NLGN4X: variants seen among roughly 807,000 people sequenced by gnomAD.
NLGN4X encodes neuroligin 4 X-linked.
NLGN4X carries 3 observed loss-of-function variants against 40.3 expected under a neutral mutation model. The ratio of observed to expected loss-of-function variants is 0.07; its 90% CI spans 0.03 to 0.19. NLGN4X has a LOEUF of 0.19. NLGN4X is among the 10% of genes least tolerant of loss of function. NLGN4X has a pLI of 1.00. For missense variants in NLGN4X, 382 were observed against 708.3 expected, an observed-to-expected ratio of 0.54 and a Z score of 5.23; for synonymous variants, 270 against 306.8, an observed-to-expected ratio of 0.88 and a Z score of 1.25.
chrX:5,990,821 T>C (rs1322834584), intron 3 of NLGN4X, among the ~76,000 whole-genome samples: 1 of 111,124 alleles, frequency 9.0e-6, no homozygotes, highest in East Asian at 2.8e-4. Context: ...AAGTACCTGA[T>C]ACTGGATGCA....
chrX:5,891,718 TGCA>T lies in NLGN4X; in HGVS notation c.*1096_*1098del. ...TTTCTCCCTACTGATTCTTTGTGTG[TGCA>T]TGTCTCTAATTTAACAAGCTGTAAA... On this transcript the variant is annotated 3_prime_UTR_variant, in exon 6 of 6. Transcript: ENST00000381095. The T allele has an allele frequency of 5.6e-6, 1 of 179,873 alleles. No individual in the cohort carries two copies. Among genetic ancestry groups the T allele is most frequent in the South Asian group, 9.5e-5 (1 of 10,580 alleles). The allele number at this position is 179,873 out of a possible 1,213,427, so 14.8% of individuals were successfully genotyped here.
chrX:5,921,001 C>T (rs1164382785), intron 3 of NLGN4X, among the ~76,000 whole-genome samples: 4 of 109,888 alleles, frequency 3.6e-5, no homozygotes, highest in Admixed American at 9.8e-5. Flanking sequence ...TTAAGAAAAA[C>T]GCTAATAGCA....
intron 2 of NLGN4X, among the ~76,000 whole-genome samples, chrX:6,047,402 C>A (rs755052352): frequency 9.0e-6 from 1 of 111,471 alleles, no homozygotes; most frequent in Non-Finnish European, 1.9e-5. Flanking sequence ...CACCTAAGCC[C>A]GGGACCAAGG....
At chrX:6,212,062 A>G (rs761672737) in intron 1 of NLGN4X, among the ~76,000 whole-genome samples, 1 of 110,512 alleles carries the variant, frequency 9.0e-6, no homozygotes, top group African/African-American at 3.3e-5. Context: ...CCTGGCTAAC[A>G]TGGTGAAACA....
intron 1 of NLGN4X, among the ~76,000 whole-genome samples, chrX:6,154,210 C>T (rs1014887906): frequency 9.0e-6 from 1 of 111,591 alleles, no homozygotes; most frequent in Admixed American, 9.6e-5. Context: ...CTAGGTAGCC[C>T]AGGGGCCAAA....
chrX:5,954,746 G>A lies in NLGN4X; in HGVS notation c.626-45507C>T, dbSNP rs748653516. ...ATATCTGGATCTTGCCCAGAATCTA[G>A]CACTTCCAGGGTCCTTGGGGGTAAT... On this transcript the variant is annotated intron_variant, in intron 3 of 5. Coordinates refer to ENST00000381095, the MANE Select transcript of NLGN4X (RefSeq NM_181332.3). Among the ~76,000 whole-genome samples, 4 of 109,777 alleles carry A rather than the reference G, an allele frequency of 3.6e-5. No homozygotes were observed. The East Asian group carries it at 1.2e-3, about 32-fold the overall frequency.
chrX:6,135,271 T>A (rs2039787617), intron 2 of NLGN4X, among the ~76,000 whole-genome samples: 2 of 111,810 alleles, frequency 1.8e-5, no homozygotes, highest in African/African-American at 6.5e-5. Flanking sequence ...TCCTGTCACT[T>A]TATCTCTCTA....
chrX:5,968,518 A>G (rs1259430529), intron 3 of NLGN4X, among the ~76,000 whole-genome samples: 1 of 77,719 alleles, frequency 1.3e-5, no homozygotes, highest in Non-Finnish European at 2.4e-5. Context: ...TTGGGGTGCT[A>G]TCTACTAATA....
In NLGN4X at chrX:6,112,565, T is replaced by C. The variant is rs187839034; in HGVS notation, c.472+38430A>G. On this transcript the variant is annotated intron_variant, in intron 2 of 5. Coordinates refer to ENST00000381095, the MANE Select transcript of NLGN4X (RefSeq NM_181332.3). The stretch of plus-strand genomic sequence containing the variant: ...AAGGAGGGGATTATAGTCCCCGCTT[T>C]CTTTTTTTTTTTTTTTTAATTTATT... 2.4e-3 allele frequency among the ~76,000 whole-genome samples: 240 copies of C among 101,533 alleles called. 3 individuals are homozygous for C. In the East Asian group the frequency reaches 0.062, roughly 26 times the overall value. The allele number at this position is 101,533 out of a possible 115,157, so 88.2% of individuals were successfully genotyped here.
chrX:6,094,663 G>A (rs1283417089), intron 2 of NLGN4X, among the ~76,000 whole-genome samples: 1 of 111,125 alleles, frequency 9.0e-6, no homozygotes, highest in African/African-American at 3.3e-5. Flanking sequence ...TACTAGACAG[G>A]GTATGCATTG....
chrX:6,061,082 G>A (rs1294412397), intron 2 of NLGN4X, among the ~76,000 whole-genome samples: 1 of 111,533 alleles, frequency 9.0e-6, no homozygotes, highest in Non-Finnish European at 1.9e-5. Context: ...ACTTCCAAGC[G>A]AAAACCTTAA....
At chrX:6,077,310 G>GTGTGTGTGTGGT (rs1168394609) in intron 2 of NLGN4X, among the ~76,000 whole-genome samples, 2 of 102,516 alleles carry the variant, frequency 2.0e-5, no homozygotes, top group African/African-American at 3.5e-5. Flanking sequence ...GTGTGTGTGT[G>GTGTGTGTGTGGT]GTGTGTGTGT....
At chrX:6,140,813 A>ATG (rs1419050178) in intron 2 of NLGN4X, among the ~76,000 whole-genome samples, 2 of 109,223 alleles carry the variant, frequency 1.8e-5, no homozygotes, top group Non-Finnish European at 3.8e-5. Context: ...CCTGGGCTCA[A>ATG]GCAATCCACC....
intron 3 of NLGN4X, among the ~76,000 whole-genome samples, chrX:5,997,565 C>CGT (rs535392837): frequency 0.013 from 904 of 68,008 alleles, 12 homozygotes; most frequent in East Asian, 0.022. Context: ...TATAAAATTA[C>CGT]ATGTGTGTGT....
chrX:6,160,171 G>T (rs779237866), intron 1 of NLGN4X, among the ~76,000 whole-genome samples: 9 of 112,044 alleles, frequency 8.0e-5, no homozygotes, highest in Non-Finnish European at 1.3e-4. Flanking sequence ...GTAACACAAA[G>T]AAATGATAAA....
At chrX:5,974,399 T>C (rs758237564) in intron 3 of NLGN4X, among the ~76,000 whole-genome samples, 23 of 111,858 alleles carry the variant, frequency 2.1e-4, no homozygotes, top group Non-Finnish European at 3.8e-4. Context: ...GAGGAGACAC[T>C]GCAGTTGGGG....
intron 3 of NLGN4X, among the ~76,000 whole-genome samples, chrX:5,985,254 T>C (rs2035499442): frequency 9.1e-6 from 1 of 110,440 alleles, no homozygotes; most frequent in Admixed American, 9.7e-5. Flanking sequence ...GTAATGTTAT[T>C]TGTCTTTTAT....
chrX:6,159,322 T>C (rs2040338023), intron 1 of NLGN4X, among the ~76,000 whole-genome samples: 1 of 111,679 alleles, frequency 9.0e-6, no homozygotes, highest in Non-Finnish European at 1.9e-5. Context: ...TGTCTGTCAG[T>C]GGGTACAATA....
chrX:6,034,491 T>C (rs2036950854), intron 2 of NLGN4X, among the ~76,000 whole-genome samples: 1 of 112,342 alleles, frequency 8.9e-6, no homozygotes, highest in African/African-American at 3.2e-5. Context: ...TTCATCTCTA[T>C]TGCATAGATA....
Sources: allele counts gnomAD v4.1 joint callset (sites outside exome capture counted in the v4.1 genomes callset), GRCh38; gene constraint gnomAD v4.1.1; transcripts MANE v1.5; gene names NCBI Gene and HGNC (gene_info 2026-07-23, HGNC 2026-07-21).